The following GEMIN4 variants were observed in gnomAD, a reference collection of about 807,000 sequenced individuals.
GEMIN4 encodes the protein gem nuclear organelle associated protein 4.
GEMIN4 carries 59 observed loss-of-function variants against 76.8 expected under a neutral mutation model. The observed-to-expected ratio is 0.77, with a 90% CI of 0.62 to 0.95. GEMIN4 has a LOEUF of 0.95. GEMIN4 is among the 40% of genes least tolerant of loss of function. The pLI is 0.00. For missense variants in GEMIN4, 1,311 were observed against 1,318.9 expected, an observed-to-expected ratio of 0.99 and a Z score of 0.09; for synonymous variants, 562 against 559.7, an observed-to-expected ratio of 1.00 and a Z score of -0.06.
chr17:747,020 T>C lies in GEMIN4; in HGVS notation c.1023A>G (p.Thr341=). The change falls in exon 2 of 2, where the codon ACA becomes ACG. Residue 341 remains threonine, a synonymous_variant. Transcript: ENST00000319004. The part of the protein sequence containing the change: ...LQAVLRSSQG[T]SYDSYRLCDS... Reference sequence around the variant, plus strand: ...CGCACAGCCGGTAGCTGTCGTAACTTGTCCCCTGGCTGCTGCGGAGCACGG... The same window carrying C: ...CGCACAGCCGGTAGCTGTCGTAACTCGTCCCCTGGCTGCTGCGGAGCACGG... 1 of 1,613,424 alleles carries C rather than the reference T, an allele frequency of 6.2e-7. No individual in the cohort carries two copies. The highest frequency in any genetic ancestry group is 1.1e-5 in the South Asian group (1 of 91,070).
chr17:750,990 G>C (rs75477298), intron 1 of GEMIN4, among the ~76,000 whole-genome samples: 3,120 of 152,296 alleles, frequency 0.02, 120 homozygotes, highest in African/African-American at 0.07. Flanking sequence ...TATTGGCTTA[G>C]TTGAGCAGAT....
At chr17:753,732 A>T (rs1378795041), upstream of GEMIN4, 1 of 152,352 alleles carries the variant, frequency 6.6e-6, no homozygotes, top group African/African-American at 2.4e-5. Flanking sequence ...ACAAGAGCGT[A>T]TGTAGGTATT....
In GEMIN4 at chr17:747,550, A is replaced by G. The variant is rs760823467; in HGVS notation, c.493T>C (p.Trp165Arg). The G allele has an allele frequency of 8.7e-6, 14 of 1,613,752 alleles. No homozygotes were observed. The highest frequency in any genetic ancestry group is 2.2e-5 in the South Asian group (2 of 91,082). Residue 165 changes from tryptophan (W) to arginine (R), a missense_variant, in exon 2 of 2, where the codon TGG becomes CGG. By Grantham distance (101) the Trp-to-Arg change is moderately radical. Transcript: ENST00000319004. The stretch of plus-strand genomic sequence containing the variant: ...TGACCCTTGTGCTTCATCACCTCCC[A>G]CCAGACGTCCAGGAAGAAGGCCACG... ...EDVAFFLDVWWEVMKHKGHPQ... is the reference protein window; with the variant it reads ...EDVAFFLDVWREVMKHKGHPQ...
chr17:751,763 A>C (rs1334805148), intron 1 of GEMIN4: 1 of 275,630 alleles, frequency 3.6e-6, no homozygotes, highest in Non-Finnish European at 6.8e-6. Flanking sequence ...GAGCGTTAAG[A>C]CACTTGCTCA....
In GEMIN4 at chr17:747,307, T is replaced by C; in HGVS notation, c.736A>G (p.Met246Val). The C allele has an allele frequency of 1.9e-6, 3 of 1,613,854 alleles. No homozygotes were observed. The highest frequency in any genetic ancestry group is 2.5e-6 in the Non-Finnish European group (3 of 1,179,874). Residue 246 changes from methionine (M) to valine (V), a missense_variant, in exon 2 of 2, where the codon ATG becomes GTG. This residue lies in a region of GEMIN4 where 1,208 missense variants were observed against 1,166.9 expected (regional missense o/e 1.04). Transcript: ENST00000319004. ...TCTGTCAGCGCAAACACAGTCAGCA[T>C]GTCAGCCAGGTTGGCCAGCGCACAG... ...KCCALANLAD[M>V]LTVFALTEDD...
At chr17:752,343 C>T, upstream of GEMIN4, 4 of 1,181,108 alleles carry the variant, frequency 3.4e-6, no homozygotes, top group Non-Finnish European at 4.2e-6. Flanking sequence ...AAGCGCACAG[C>T]GCCGCCTTCC....
In GEMIN4 at chr17:746,738, G is replaced by A. The variant is rs370293267; in HGVS notation, c.1305C>T (p.Asp435=). 123 of 1,613,434 alleles carry A rather than the reference G, an allele frequency of 7.6e-5. 2 individuals carry two copies. Among genetic ancestry groups the A allele is most frequent in the African/African-American group, 7.2e-4 (54 of 74,878 alleles). Residue 435 remains aspartate, a synonymous_variant, in exon 2 of 2, where the codon GAC becomes GAT. Transcript: ENST00000319004. This position sits in a 1 kb window ranked among gnomAD's most constrained non-coding sequence, Gnocchi z 4.3. The stretch of plus-strand genomic sequence containing the variant: ...TACTCCCCAGGCAGGCTACCCACTC[G>A]TCCGAGAAGGCCCACTTCTTCTCAG... ...FASEKKWAFS[D]EWVACLGSNR... is the part of the protein sequence containing the mutation.
chr17:752,233 C>T lies in GEMIN4; in HGVS notation c.-91G>A, dbSNP rs1904768565. 1 of 1,229,058 alleles carries T rather than the reference C, an allele frequency of 8.1e-7. No homozygotes were observed. The highest frequency in any genetic ancestry group is 1.0e-6 in the Non-Finnish European group (1 of 985,650). The allele number at this position is 1,229,058 out of a possible 1,614,324, so 76.1% of individuals were successfully genotyped here. Reference sequence around the variant, plus strand: ...GGGACGCACGGCACGATGGGAGACGCAGGAGCCACGGCGGCCGCGCTTAGG... The same window carrying T: ...GGGACGCACGGCACGATGGGAGACGTAGGAGCCACGGCGGCCGCGCTTAGG... On this transcript the variant is annotated 5_prime_UTR_variant, in exon 1 of 2. Transcript: ENST00000319004.
chr17:752,276 C>G (rs76022696), upstream of GEMIN4: 6 of 1,225,536 alleles, frequency 4.9e-6, no homozygotes, highest in Non-Finnish European at 5.1e-6. Flanking sequence ...ACAACCTCCG[C>G]CCGGCCCCGC....
chr17:745,661 A>G lies in GEMIN4; in HGVS notation c.2382T>C (p.Cys794=), dbSNP rs1252461078. 1 of 1,596,608 alleles carries G rather than the reference A, an allele frequency of 6.3e-7. No homozygotes were observed. Among genetic ancestry groups the G allele is most frequent in the Non-Finnish European group, 8.5e-7 (1 of 1,172,066 alleles). The change falls in exon 2 of 2, where the codon TGT becomes TGC. Residue 794 remains cysteine (C), a synonymous_variant. Transcript: ENST00000319004. The surrounding 1 kb of genome is among the most constrained non-coding windows in gnomAD (Gnocchi z 4.6). ...AGGTCCACTCGTCTTCTGAAAGCTTACAGATCTCAAAAAGTGTGGCTGGCA... is the reference window on the plus strand; with the variant it reads ...AGGTCCACTCGTCTTCTGAAAGCTTGCAGATCTCAAAAAGTGTGGCTGGCA... ...CEVPATLFEI[C]KLSEDEWTSQ...
upstream of GEMIN4, chr17:754,396 C>G (rs562391841): frequency 6.6e-6 from 1 of 152,356 alleles, no homozygotes; most frequent in African/African-American, 2.4e-5. Context: ...TTAATAGAAA[C>G]TATCTTCACA....
At position 747,223 on chromosome 17, in the gene GEMIN4, A is replaced by C. The variant is rs767153165; in HGVS notation, c.820T>G (p.Ser274Ala). The C allele has an allele frequency of 1.2e-6, 2 of 1,613,790 alleles. No homozygotes were observed. The highest frequency in any genetic ancestry group is 1.7e-6 in the Non-Finnish European group (2 of 1,179,870). The change falls in exon 2 of 2, where the codon TCT (serine) becomes GCT (alanine). Residue 274 changes from serine to alanine, a missense_variant. Transcript: ENST00000319004. ...TTCTGGGTGTCCGAGTTCCACACAGAGATCACCGTGGCCAGTTTGTCCAGA... is the reference window on the plus strand; with the variant it reads ...TTCTGGGTGTCCGAGTTCCACACAGCGATCACCGTGGCCAGTTTGTCCAGA... ...VYLDKLATVI[S>A]VWNSDTQNPY... is the part of the protein sequence containing the mutation.
rs1974394750 is a variant in GEMIN4 at position 746,046 on chromosome 17, T to C, written c.1997A>G (p.Glu666Gly). 6.2e-7 allele frequency: 1 copy of C among 1,613,810 alleles called. No individual in the cohort carries two copies. The highest frequency in any genetic ancestry group is 1.3e-5 in the African/African-American group (1 of 74,918). ...VLPFLRLDVE[E>G]VDLSLRIFIQ... ...GAAGATCCTCAGACTGAGGTCTACC[T>C]CTTCAACATCTAACCTCAAGAAAGG... The change falls in exon 2 of 2, where the codon GAG (glutamate) becomes GGG (glycine). Residue 666 changes from glutamate (E) to glycine (G), a missense_variant. By Grantham distance (98) the Glu-to-Gly change is moderately conservative. Transcript: ENST00000319004. This position sits in a 1 kb window ranked among gnomAD's most constrained non-coding sequence, Gnocchi z 4.3.
chr17:749,804 A>AT (rs1904561699), intron 1 of GEMIN4: 1 of 994,414 alleles, frequency 1.0e-6, no homozygotes, highest in Admixed American at 5.9e-5. Context: ...TTCACTCTTT[A>AT]TAAACTTGCC....
rs371597372 is a variant in GEMIN4, at chr17:747,921, C to T, written c.122G>A (p.Arg41His). 7 of 1,613,796 alleles carry T rather than the reference C, an allele frequency of 4.3e-6. No individual in the cohort carries two copies. The highest frequency in any genetic ancestry group is 4.5e-5 in the East Asian group (2 of 44,890). ...GGCCTCCACGATGGGCCGTCCAACA[C>T]GTTCCCAGTCAGACTTTGTTAATTC... ...LAELTKSDWERVGRPIVEALR... is the reference protein window; with the variant it reads ...LAELTKSDWEHVGRPIVEALR... Residue 41 changes from arginine (R) to histidine (H), a missense_variant, in exon 2 of 2, where the codon CGT (arginine) becomes CAT (histidine). This residue lies in a region of GEMIN4 where 103 missense variants were observed against 152.0 expected (regional missense o/e 0.68). Coordinates refer to ENST00000319004, the MANE Select transcript of GEMIN4 (RefSeq NM_015721.3).
Position 747,854 on chromosome 17 carries a change from A to G in GEMIN4, c.189T>C (p.Phe63=). The change falls in exon 2 of 2, where the codon TTT becomes TTC. Residue 63 remains phenylalanine (F), a synonymous_variant. Transcript: ENST00000319004. Reference sequence around the variant, plus strand: ...TGATCAGGGCTTTCTTCTTCCAGGCAAAGGGCTGGGAGTGTGCTGCAGCCG... The same window carrying G: ...TGATCAGGGCTTTCTTCTTCCAGGCGAAGGGCTGGGAGTGTGCTGCAGCCG... ...ISSAAAHSQP[F]AWKKKALIII... 1 of 1,613,868 alleles carries G rather than the reference A, an allele frequency of 6.2e-7. No individual in the cohort carries two copies. Among genetic ancestry groups the G allele is most frequent in the South Asian group, 1.1e-5 (1 of 91,080 alleles).
At position 746,714 on chromosome 17, in the gene GEMIN4, A is replaced by T. The variant is rs1974434115; in HGVS notation, c.1329T>A (p.Ser443Arg). 2 of 1,613,136 alleles carry T rather than the reference A, an allele frequency of 1.2e-6. No homozygotes were observed. The highest frequency in any genetic ancestry group is 1.7e-6 in the Non-Finnish European group (2 of 1,179,802). The stretch of plus-strand genomic sequence containing the variant: ...CTGGCTGTCGGAAGAGGGCCCTGTT[A>T]CTCCCCAGGCAGGCTACCCACTCGT... ...FSDEWVACLG[S>R]NRALFRQPDL... The change falls in exon 2 of 2, where the codon AGT (serine) becomes AGA (arginine). Residue 443 changes from serine (S) to arginine (R), a missense_variant. Ser to Arg is a moderately radical substitution (Grantham distance 110). Transcript: ENST00000319004. This position sits in a 1 kb window ranked among gnomAD's most constrained non-coding sequence, Gnocchi z 4.3.
rs1477773222 is a variant in GEMIN4, at chr17:747,478, A to G, written c.565T>C (p.Tyr189His). The change falls in exon 2 of 2, where the codon TAC (tyrosine) becomes CAC (histidine). Residue 189 changes from tyrosine to histidine, a missense_variant. Around this residue, in one of 2 missense-constraint regions of GEMIN4, gnomAD observed 1,208 missense variants for 1,166.9 expected, o/e 1.04. Coordinates refer to ENST00000319004, the MANE Select transcript of GEMIN4 (RefSeq NM_015721.3). Reference protein sequence around the residue: ...LSQFSAMAHKYLPALDEFPHP... With the variant: ...LSQFSAMAHKHLPALDEFPHP... ...GGGAACTCATCTAAGGCAGGCAGGT[A>G]CTTATGGGCCATTGCACTAAACTGG... 2 of 1,613,824 alleles carry G rather than the reference A, an allele frequency of 1.2e-6. No individual in the cohort carries two copies. Among genetic ancestry groups the G allele is most frequent in the South Asian group, 2.2e-5 (2 of 91,068 alleles).
At chr17:752,324 G>T, upstream of GEMIN4, 1 of 1,218,702 alleles carries the variant, frequency 8.2e-7, no homozygotes, top group Non-Finnish European at 1.0e-6. Context: ...CCTCACGAAC[G>T]AGCGCGCCAA....
Sources: gnomAD v4.1 joint callset for allele counts (sites outside exome capture counted in the v4.1 genomes callset) on GRCh38, gnomAD v4.1.1 for gene constraint, gnomAD v4.1.1 regional missense constraint, Gnocchi (gnomAD v3.1) non-coding constraint, MANE v1.5 for transcripts, NCBI Gene and HGNC (gene_info 2026-07-23, HGNC 2026-07-21) for gene names.